The following LENG8 variants were observed in gnomAD, a reference collection of about 807,000 sequenced individuals.
LENG8 encodes the protein leukocyte receptor cluster (LRC) member 8.
In LENG8, 28 loss-of-function variants were observed where a neutral mutation model predicts 102.1. That is an observed-to-expected ratio of 0.27 (90% CI 0.20 to 0.38). The LOEUF (loss-of-function observed/expected upper bound fraction) is 0.38, where lower values mean the gene tolerates loss of function less well. LENG8 is among the 10% of genes least tolerant of loss of function. The pLI is 1.00. For synonymous variants in LENG8, 531 were observed against 456.7 expected (o/e 1.16, Z -2.07); for missense variants, 1,022 against 1,113.9 (o/e 0.92, Z 1.17).
At chr19:54,454,855 G>C in intron 6 of LENG8, 96 bp from the exon 7 acceptor site, 2 of 1,528,324 alleles carry the variant, frequency 1.3e-6, no homozygotes, top group Non-Finnish European at 1.8e-6. Context: ...TCTAGAACCT[G>C]AGCGCTCCTC....
In LENG8 at chr19:54,458,144, G is replaced by A. The variant is rs1003016355; in HGVS notation, c.1944G>A (p.Lys648=). Residue 648 remains lysine, a synonymous_variant, in exon 14 of 16, where the codon AAG becomes AAA. Coordinates refer to ENST00000326764, the MANE Select transcript of LENG8 (RefSeq NM_052925.4). ...TTAACCAGTGCCAGACGCAGCTCAA[G>A]TCGCTGTACGCCGAGAACTTGCCTG... ...EEFNQCQTQL[K]SLYAENLPGN... 6.2e-7 allele frequency: 1 copy of A among 1,614,080 alleles called. No individual in the cohort carries two copies. The highest frequency in any genetic ancestry group is 1.1e-5 in the South Asian group (1 of 91,088).
chr19:54,454,398 C>T, intron 5 of LENG8, 32 bp from the exon 6 acceptor site: 1 of 1,561,228 alleles, frequency 6.4e-7, no homozygotes, highest in Non-Finnish European at 8.7e-7. Flanking sequence ...CAGAATCTGC[C>T]TCCCGTGCTC....
In LENG8 at chr19:54,456,903, C is replaced by A. The variant is rs1440870395; in HGVS notation, c.1713C>A (p.Ser571=). 1.2e-6 allele frequency: 2 copies of A among 1,607,590 alleles called. No individual in the cohort carries two copies. The highest frequency in any genetic ancestry group is 1.1e-5 in the South Asian group (1 of 90,908). ...YLRLTCAPDP[S]TVRPVAVLKK... ...GCCTCACCTGTGCCCCCGACCCGTC[C>A]ACCGTGCGCCCTGTGGCAGTAAGTG... is the stretch of plus-strand genomic sequence containing the variant. Residue 571 remains serine, a synonymous_variant, in exon 11 of 16, where the codon TCC becomes TCA. Transcript: ENST00000326764.
At position 54,458,127 on chromosome 19, in the gene LENG8, T is replaced by G; in HGVS notation, c.1927T>G (p.Cys643Gly). ...GGGTGACCATGAAGAGTTTAACCAG[T>G]GCCAGACGCAGCTCAAGTCGCTGTA... ...EKGDHEEFNQ[C>G]QTQLKSLYAE... The change falls in exon 14 of 16, where the codon TGC becomes GGC. Residue 643 changes from cysteine to glycine, a missense_variant. Cys to Gly is a radical substitution (Grantham distance 159). Around this residue, in one of 7 missense-constraint regions of LENG8, gnomAD observed 158 missense variants for 229.0 expected, o/e 0.69. Coordinates refer to ENST00000326764, the MANE Select transcript of LENG8 (RefSeq NM_052925.4). The G allele has an allele frequency of 6.2e-7, 1 of 1,613,848 alleles. No individual in the cohort carries two copies. Among genetic ancestry groups the G allele is most frequent in the Non-Finnish European group, 8.5e-7 (1 of 1,180,032 alleles).
chr19:54,459,174 T>C (rs1397144705), intron 15 of LENG8: 18 of 1,213,080 alleles, frequency 1.5e-5, no homozygotes, highest in Non-Finnish European at 1.7e-5. Context: ...CGCTGGGCAA[T>C]GTCAAGAGAG....
At position 54,459,936 on chromosome 19, in the gene LENG8, G is replaced by A. The variant is rs186380986; in HGVS notation, c.2241-830G>A. The A allele has an allele frequency of 1.8e-4, 214 of 1,202,648 alleles. 1 individual carries two copies. The East Asian group carries it at 8.0e-3, about 45-fold the overall frequency. 74.5% of individuals were successfully genotyped at this position (1,202,648 alleles called of 1,614,324 possible). A position where few individuals can be genotyped will look rare whatever the true frequency, so the allele number is the denominator to read the frequency against. ...GCTACACAGGGGTGTGTGGTTGGGCGAGTGTCCTTGTTAATTGATACCTAA... is the reference window on the plus strand; with the variant it reads ...GCTACACAGGGGTGTGTGGTTGGGCAAGTGTCCTTGTTAATTGATACCTAA... On this transcript the variant is annotated intron_variant, in intron 15 of 15. Transcript: ENST00000326764.
In LENG8 at chr19:54,453,755, C is replaced by T. The variant is rs1200903196; in HGVS notation, c.426+99C>T. The T allele has an allele frequency of 2.1e-5, 17 of 803,286 alleles. No homozygotes were observed. The African/African-American group carries it at 2.4e-4, about 11-fold the overall frequency. 49.8% of individuals were successfully genotyped at this position (803,286 alleles called of 1,614,324 possible). On this transcript the variant is annotated intron_variant, in intron 5 of 15. Coordinates refer to ENST00000326764, the MANE Select transcript of LENG8 (RefSeq NM_052925.4). Reference sequence around the variant, plus strand: ...GGAATGGCTTGTACTCCTTAAGCTGCTTTTTTCCTTCCAAGCAACTCCTGA... The same window carrying T: ...GGAATGGCTTGTACTCCTTAAGCTGTTTTTTTCCTTCCAAGCAACTCCTGA...
rs1467118011 is a variant in LENG8, at chr19:54,455,100, C to G, written c.821+8C>G. On this transcript the variant is annotated splice_region_variant and intron_variant, in intron 7 of 15. Coordinates refer to ENST00000326764, the MANE Select transcript of LENG8 (RefSeq NM_052925.4). ...GAAAGTTCAGAACCACAGGTGACGTCTGCCCCCTTGCCCCGTCGCAGCCCC... is the reference window on the plus strand; with the variant it reads ...GAAAGTTCAGAACCACAGGTGACGTGTGCCCCCTTGCCCCGTCGCAGCCCC... 3 of 1,614,056 alleles carry G rather than the reference C, an allele frequency of 1.9e-6. No individual in the cohort carries two copies. The highest frequency in any genetic ancestry group is 2.5e-6 in the Non-Finnish European group (3 of 1,180,020).
intron 15 of LENG8, chr19:54,459,011 C>G (rs1381573669): frequency 2.1e-6 from 3 of 1,439,276 alleles, no homozygotes; most frequent in Non-Finnish European, 2.7e-6. Context: ...TGAGGCCACA[C>G]TGGGCGCGGT....
In LENG8 at chr19:54,454,890, C is replaced by G. The variant is rs1004625342; in HGVS notation, c.680-61C>G. The G allele has an allele frequency of 1.9e-6, 3 of 1,605,632 alleles. No individual in the cohort carries two copies. In the African/African-American group the frequency reaches 4.0e-5, roughly 22 times the overall value. ...CCCTGCATTTCCACTTCCTCCCGTC[C>G]CCTGGGGACCCCTGGATGTGCCGGG... On this transcript the variant is annotated intron_variant, in intron 6 of 15. Coordinates refer to ENST00000326764, the MANE Select transcript of LENG8 (RefSeq NM_052925.4).
At chr19:54,451,612 T>C (rs1197832215) in intron 2 of LENG8, among the ~76,000 whole-genome samples, 1 of 152,242 alleles carries the variant, frequency 6.6e-6, no homozygotes, top group Non-Finnish European at 1.5e-5. Context: ...GCGCTTGCTT[T>C]GCAGAATTGT....
chr19:54,461,802 G>T lies in LENG8; in HGVS notation c.*874G>T, dbSNP rs1237993149. On this transcript the variant is annotated 3_prime_UTR_variant, in exon 16 of 16. Transcript: ENST00000326764. ...CTTCCTCCTCTCCCTTTTCTTTTTG[G>T]CCCTCCCTCCCTCCCTCTTCTGCCA... is the stretch of plus-strand genomic sequence containing the variant. 1 of 624,696 alleles carries T rather than the reference G, an allele frequency of 1.6e-6. No homozygotes were observed. The highest frequency in any genetic ancestry group is 2.1e-5 in the Admixed American group (1 of 46,888). The allele number at this position is 624,696 out of a possible 1,614,324, so 38.7% of individuals were successfully genotyped here. A position where few individuals can be genotyped will look rare whatever the true frequency, so the allele number is the denominator to read the frequency against.
intron 15 of LENG8, 160 bp from the exon 16 acceptor site, chr19:54,460,595 GGCCCCCCCCGA>G (rs1208028298): frequency 9.3e-5 from 130 of 1,398,474 alleles, no homozygotes; most frequent in Non-Finnish European, 1.2e-4. Context: ...ACCCCCCCCG[GGCCCCCCCCGA>G]GCCCCTGAGG....
At chr19:54,460,211 C>T in intron 15 of LENG8, 2 of 1,289,532 alleles carry the variant, frequency 1.6e-6, no homozygotes, top group South Asian at 1.2e-5. Context: ...AAGGGTAGGG[C>T]TGCACCCTGT....
intron 15 of LENG8, chr19:54,460,267 C>T (rs2084462436): frequency 7.0e-6 from 9 of 1,276,926 alleles, no homozygotes; most frequent in Admixed American, 2.3e-5. Flanking sequence ...GTGCTAGATG[C>T]TCAGTCAGTA....
Position 54,456,472 on chromosome 19 carries a change from C to A in LENG8, c.1445+7C>A. 1 of 1,600,932 alleles carries A rather than the reference C, an allele frequency of 6.2e-7. No homozygotes were observed. Among genetic ancestry groups the A allele is most frequent in the African/African-American group, 1.3e-5 (1 of 74,848 alleles). On this transcript the variant is annotated splice_region_variant and intron_variant, in intron 10 of 15. Transcript: ENST00000326764. ...GGGCGCAGCGTGGGAAGAGGTGAGA[C>A]TGTGTGAGGGCTCGACACACGGGCC...
Position 54,451,383 on chromosome 19 carries a change from G to A in LENG8, c.38+1G>A. ...TGGGTGATCAACGTAGCACAGATTG[G>A]TTAGTGAGGCGAGAGGGATGGAGGC... On this transcript the variant is annotated splice_donor_variant, in intron 2 of 15. Coordinates refer to ENST00000326764, the MANE Select transcript of LENG8 (RefSeq NM_052925.4). LOFTEE classifies it high-confidence loss of function. 1 of 1,614,042 alleles carries A rather than the reference G, an allele frequency of 6.2e-7. No individual in the cohort carries two copies. The highest frequency in any genetic ancestry group is 2.2e-5 in the East Asian group (1 of 44,902).
At chr19:54,454,880 TCCTC>T (rs1311413217) in intron 6 of LENG8, 67 bp from the exon 7 acceptor site, 5 of 1,592,058 alleles carry the variant, frequency 3.1e-6, no homozygotes, top group Non-Finnish European at 4.3e-6. Context: ...CATTTCCACT[TCCTC>T]CCGTCCCCTG....
Position 54,461,297 on chromosome 19 carries a change from G to A in LENG8, c.*369G>A. On this transcript the variant is annotated 3_prime_UTR_variant, in exon 16 of 16. Transcript: ENST00000326764. ...GGCGCCCTGGCCCATCCCATGCCGG[G>A]GGGCCAGTGGAAAGAAGACAGGCCG... 2.1e-6 allele frequency: 1 copy of A among 467,536 alleles called. No individual in the cohort carries two copies. The highest frequency in any genetic ancestry group is 4.2e-6 in the Non-Finnish European group (1 of 237,518). 29.0% of individuals were successfully genotyped at this position (467,536 alleles called of 1,614,324 possible). A position where few individuals can be genotyped will look rare whatever the true frequency, so the allele number is the denominator to read the frequency against.
Sources: allele counts gnomAD v4.1 joint callset (sites outside exome capture counted in the v4.1 genomes callset), GRCh38; gene constraint gnomAD v4.1.1; regional missense constraint gnomAD v4.1.1; transcripts MANE v1.5; gene names NCBI Gene and HGNC (gene_info 2026-07-23, HGNC 2026-07-21).